The following KHDRBS1 variants were observed in gnomAD, a reference collection of about 807,000 sequenced individuals.
KHDRBS1 encodes the protein KH RNA binding domain containing, signal transduction associated 1.
KHDRBS1 carries 7 observed loss-of-function variants against 48.4 expected under a neutral mutation model. The observed-to-expected ratio is 0.14, with a 90% CI of 0.08 to 0.27. The LOEUF (loss-of-function observed/expected upper bound fraction) is 0.27. Among genes scored for constraint, KHDRBS1 ranks in the 10% least tolerant of loss-of-function variants. KHDRBS1 has a pLI of 1.00. For synonymous variants in KHDRBS1, 241 were observed against 235.8 expected (o/e 1.02, Z -0.20); for missense variants, 458 against 601.2 (o/e 0.76, Z 2.49).
chr1:32,038,705 C>T, intron 7 of KHDRBS1, 86 bp downstream of exon 7: 1 of 1,305,904 alleles, frequency 7.7e-7, no homozygotes. Flanking sequence ...ACAGTACAAC[C>T]CTAAGGAGCA....
At chr1:32,059,180 AAAAAC>A (rs1356393958) in intron 10 of KHDRBS1, among the ~76,000 whole-genome samples, 14 of 151,450 alleles carry the variant, frequency 9.2e-5, no homozygotes, top group Admixed American at 3.9e-4. Flanking sequence ...AAAAAAAAAA[AAAAAC>A]AAAACCTTTT....
At chr1:32,059,552 A>G (rs1030827734) in intron 10 of KHDRBS1, among the ~76,000 whole-genome samples, 34 of 151,180 alleles carry the variant, frequency 2.2e-4, no homozygotes, top group African/African-American at 3.6e-4. Flanking sequence ...AAAAAAAAAA[A>G]AAGAAGAAGA....
chr1:32,039,394 C>T, intron 7 of KHDRBS1, 121 bp from the exon 8 acceptor site: 1 of 689,062 alleles, frequency 1.5e-6, no homozygotes, highest in Non-Finnish European at 2.7e-6. Context: ...AGGGATGGGG[C>T]AGAATGAGTA....
intron 7 of KHDRBS1, 21 bp from the exon 8 acceptor site, chr1:32,039,494 C>T (rs1639243485): frequency 7.5e-6 from 9 of 1,195,286 alleles, no homozygotes; most frequent in Non-Finnish European, 1.1e-5. Context: ...AGCTTCCTAA[C>T]ACTCTGCCTT....
At chr1:32,049,276 G>A (rs535009719) in intron 10 of KHDRBS1, among the ~76,000 whole-genome samples, 23 of 152,048 alleles carry the variant, frequency 1.5e-4, no homozygotes, top group African/African-American at 5.1e-4. Flanking sequence ...GGCTGGTCTC[G>A]AACTCGTGAC....
In KHDRBS1 at chr1:32,013,959, G is replaced by C; in HGVS notation, c.-37G>C. Reference sequence around the variant, plus strand: ...CCGCTCGGGCCTCCGTCGCTGCCGCGTCGCTTTCTCGCTCCTTGGATCGCA... The same window carrying C: ...CCGCTCGGGCCTCCGTCGCTGCCGCCTCGCTTTCTCGCTCCTTGGATCGCA... On this transcript the variant is annotated 5_prime_UTR_variant, in exon 1 of 9. Coordinates refer to ENST00000327300, the MANE Select transcript of KHDRBS1 (RefSeq NM_006559.3). 7.0e-7 allele frequency: 1 copy of C among 1,421,936 alleles called. No individual in the cohort carries two copies. The highest frequency in any genetic ancestry group is 9.2e-7 in the Non-Finnish European group (1 of 1,092,148). 88.1% of individuals were successfully genotyped at this position (1,421,936 alleles called of 1,614,324 possible). A position where few individuals can be genotyped will look rare whatever the true frequency, so the allele number is the denominator to read the frequency against.
At chr1:32,033,013 C>T (rs950472264) in intron 3 of KHDRBS1, among the ~76,000 whole-genome samples, 175 bp from the exon 4 acceptor site, 3 of 152,092 alleles carry the variant, frequency 2.0e-5, no homozygotes, top group African/African-American at 7.2e-5. Flanking sequence ...TTAAACTTTA[C>T]TGTTTTTCTT....
intron 7 of KHDRBS1, among the ~76,000 whole-genome samples, chr1:32,039,202 C>G (rs924124275): frequency 6.6e-6 from 1 of 152,098 alleles, no homozygotes; most frequent in Admixed American, 6.5e-5. Context: ...AGTGATAAAA[C>G]AGTTCTTTTT....
chr1:32,014,476 G>A, intron 1 of KHDRBS1, 99 bp downstream of exon 1: 2 of 1,175,946 alleles, frequency 1.7e-6, no homozygotes, highest in Non-Finnish European at 2.2e-6. Flanking sequence ...CGGGACCGAG[G>A]CAGTCGGGAG....
At position 32,058,368 on chromosome 1, in the gene KHDRBS1, A is replaced by G. The variant is rs986784422; in HGVS notation, n.1302-1795A>G. On this transcript the variant is annotated intron_variant and non_coding_transcript_variant, in intron 10 of 10. Coordinates refer to the KHDRBS1 transcript ENST00000484270. ...TCCCATCTCGGCATCCCAAAGTGCT[A>G]CGATTACAGGTGTGAGCCACTGCAC... Among the ~76,000 whole-genome samples, 4 of 152,214 alleles carry G rather than the reference A, an allele frequency of 2.6e-5. No homozygotes were observed. The East Asian group carries it at 5.8e-4, about 22-fold the overall frequency.
At chr1:32,041,780 G>C (rs1469201935) in intron 8 of KHDRBS1, among the ~76,000 whole-genome samples, 1 of 151,992 alleles carries the variant, frequency 6.6e-6, no homozygotes, top group Non-Finnish European at 1.5e-5. Flanking sequence ...AGTAGAGATG[G>C]GGTTTCACCC....
In KHDRBS1 at chr1:32,013,892, C is replaced by G; in HGVS notation, c.-104C>G. On this transcript the variant is annotated 5_prime_UTR_variant, in exon 1 of 9. Transcript: ENST00000327300. ...TCTCTCGCTGGGTCGCTCGGGTCGGCTTCGGTCGCTACCGCTCCCGCTCTG... is the reference window on the plus strand; with the variant it reads ...TCTCTCGCTGGGTCGCTCGGGTCGGGTTCGGTCGCTACCGCTCCCGCTCTG... 3.4e-6 allele frequency: 4 copies of G among 1,163,738 alleles called. No individual in the cohort carries two copies. The highest frequency in any genetic ancestry group is 4.4e-6 in the Non-Finnish European group (4 of 902,438). The allele number at this position is 1,163,738 out of a possible 1,614,324, so 72.1% of individuals were successfully genotyped here.
In KHDRBS1 at chr1:32,038,564, A is replaced by G; in HGVS notation, c.1120A>G (p.Thr374Ala). Residue 374 changes from threonine (T) to alanine (A), a missense_variant, in exon 7 of 9, where the codon ACA (threonine) becomes GCA (alanine). Coordinates refer to ENST00000327300, the MANE Select transcript of KHDRBS1 (RefSeq NM_006559.3). ...GTTGTTGTTCTAGGGATATGATGAT[A>G]CATACGCAGAACAAAGTTACGAAGG... ...ETYEEYGYDD[T>A]YAEQSYEGYE... 2.5e-6 allele frequency: 4 copies of G among 1,613,862 alleles called. No homozygotes were observed. Among genetic ancestry groups the G allele is most frequent in the Non-Finnish European group, 3.4e-6 (4 of 1,179,934 alleles).
At position 32,031,651 on chromosome 1, in the gene KHDRBS1, A is replaced by AATGTGAGC; in HGVS notation, c.624+11_624+12insATGTGAGC. ...AGAGACAAAGCCAAGGTAAGCTCAC[A>AATGTGAGC]TTAGTGAGGCAAGAGGACATCCTAA... is the stretch of plus-strand genomic sequence containing the variant. On this transcript the variant is annotated intron_variant, in intron 3 of 8. Transcript: ENST00000327300. The AATGTGAGC allele has an allele frequency of 6.5e-7, 1 of 1,545,576 alleles. No individual in the cohort carries two copies. Among genetic ancestry groups the AATGTGAGC allele is most frequent in the African/African-American group, 1.4e-5 (1 of 73,082 alleles).
chr1:32,038,501 C>T (rs779848821), intron 6 of KHDRBS1, 51 bp from the exon 7 acceptor site: 70 of 1,571,664 alleles, frequency 4.5e-5, no homozygotes, highest in Non-Finnish European at 6.0e-5. Context: ...ACCTTTCCTA[C>T]TCTCTATGAT....
chr1:32,050,423 G>A (rs1639404532), intron 10 of KHDRBS1, among the ~76,000 whole-genome samples: 1 of 151,968 alleles, frequency 6.6e-6, no homozygotes, highest in Non-Finnish European at 1.5e-5. Context: ...TTTTGTCATA[G>A]GTAATAAACT....
At chr1:32,038,362 ATTTG>A (rs1249091084) in intron 6 of KHDRBS1, among the ~76,000 whole-genome samples, 186 bp from the exon 7 acceptor site, 1 of 152,010 alleles carries the variant, frequency 6.6e-6, no homozygotes, top group Non-Finnish European at 1.5e-5. Context: ...GGCATATCAT[ATTTG>A]TTTGGGTTTT....
At chr1:32,039,622 G>A (rs1463259023) in intron 8 of KHDRBS1, 49 bp downstream of exon 8, 1 of 936,220 alleles carries the variant, frequency 1.1e-6, no homozygotes, top group Admixed American at 1.7e-5. Context: ...TAAGTGCCTG[G>A]GAGAATGCTG....
At chr1:32,059,037 A>G (rs1440522064) in intron 10 of KHDRBS1, among the ~76,000 whole-genome samples, 1 of 151,732 alleles carries the variant, frequency 6.6e-6, no homozygotes, top group African/African-American at 2.4e-5. Context: ...CGTGCCTGTA[A>G]TCCCGGCTAC....
Sources: allele counts gnomAD v4.1 joint callset (sites outside exome capture counted in the v4.1 genomes callset), GRCh38; gene constraint gnomAD v4.1.1; transcripts MANE v1.5; gene names NCBI Gene and HGNC (gene_info 2026-07-23, HGNC 2026-07-21).